Variants in GCH1 observed in about 807,000 individuals in gnomAD.
GCH1 encodes the protein GTP cyclohydrolase I.
In GCH1, 5 loss-of-function variants were observed where a neutral mutation model predicts 25.9. The observed-to-expected ratio is 0.19, with a 90% CI of 0.10 to 0.41. GCH1 has a LOEUF of 0.41. Among genes scored for constraint, GCH1 ranks in the 10% least tolerant of loss-of-function variants. The pLI, the probability that GCH1 is intolerant of heterozygous loss-of-function variation, is 1.00. For synonymous variants in GCH1, 159 were observed against 129.6 expected (o/e 1.23, Z -1.54); for missense variants, 261 against 336.5 (o/e 0.78, Z 1.75).
At chr14:54,882,371 G>A (rs2040283636) in intron 1 of GCH1, among the ~76,000 whole-genome samples, 1 of 152,190 alleles carries the variant, frequency 6.6e-6, no homozygotes, top group African/African-American at 2.4e-5. Context: ...TAAAACTGAA[G>A]GCTGCCAATC....
chr14:54,854,980 T>C (rs1184284868), intron 3 of GCH1, among the ~76,000 whole-genome samples: 3 of 152,220 alleles, frequency 2.0e-5, no homozygotes, highest in African/African-American at 7.2e-5. Context: ...AGTTCCATAC[T>C]AGTAATTTAA....
chr14:54,857,524 T>C (rs1022239062), intron 3 of GCH1, among the ~76,000 whole-genome samples: 3 of 152,168 alleles, frequency 2.0e-5, no homozygotes, highest in African/African-American at 4.8e-5. Context: ...CAGTCTGTTA[T>C]AGGCATCAGC....
At chr14:54,855,427 A>C (rs1594978938) in intron 3 of GCH1, among the ~76,000 whole-genome samples, 1 of 144,640 alleles carries the variant, frequency 6.9e-6, no homozygotes, top group African/African-American at 2.7e-5. Context: ...AATCGCTTGA[A>C]CCCAGGAGGT....
chr14:54,872,105 A>G (rs1233610294), intron 1 of GCH1, among the ~76,000 whole-genome samples: 2 of 152,118 alleles, frequency 1.3e-5, no homozygotes, highest in Admixed American at 1.3e-4. Context: ...GAGAAAGGTC[A>G]GGTTACCCAC....
At chr14:54,863,458 G>A (rs1424225643) in intron 2 of GCH1, among the ~76,000 whole-genome samples, 2 of 73,804 alleles carry the variant, frequency 2.7e-5, no homozygotes, top group African/African-American at 1.0e-4. Context: ...GCATGCACAT[G>A]TACTCCAAAA....
intron 3 of GCH1, among the ~76,000 whole-genome samples, chr14:54,854,799 C>T (rs761523736): frequency 6.6e-6 from 1 of 152,190 alleles, no homozygotes; most frequent in Non-Finnish European, 1.5e-5. Context: ...CTATTTTTTA[C>T]TTATCAGTTT....
chr14:54,901,670 A>G (rs1319675541), intron 1 of GCH1, among the ~76,000 whole-genome samples: 1 of 151,842 alleles, frequency 6.6e-6, no homozygotes, highest in Non-Finnish European at 1.5e-5. Context: ...CAGCAAACTC[A>G]CCCAATCAAC....
chr14:54,885,245 G>A lies in GCH1; in HGVS notation c.343+17076C>T, dbSNP rs539917981. On this transcript the variant is annotated intron_variant, in intron 1 of 5. Coordinates refer to ENST00000491895, the MANE Select transcript of GCH1 (RefSeq NM_000161.3). ...CTTCCCCACACTGACGCCTGCCATA[G>A]ACATGGCTGCAGCTTCAGGATGGTA... is the stretch of plus-strand genomic sequence containing the variant. The A allele has an allele frequency of 2.5e-4, 52 of 211,176 alleles. No homozygotes were observed. The South Asian group carries it at 3.3e-3, about 13-fold the overall frequency. The allele number at this position is 211,176 out of a possible 1,614,324, so 13.1% of individuals were successfully genotyped here.
chr14:54,854,188 A>G (rs941752421), intron 3 of GCH1, among the ~76,000 whole-genome samples: 9 of 152,228 alleles, frequency 5.9e-5, no homozygotes, highest in African/African-American at 2.2e-4. Flanking sequence ...TTGGACTTTA[A>G]CTGAAAAGCT....
At chr14:54,859,950 A>G (rs750667037) in intron 2 of GCH1, among the ~76,000 whole-genome samples, 1 of 151,444 alleles carries the variant, frequency 6.6e-6, no homozygotes, top group African/African-American at 2.4e-5. Flanking sequence ...AGCAAAATAT[A>G]TAAGTATGAG....
At chr14:54,897,858 G>A (rs994641810) in intron 1 of GCH1, among the ~76,000 whole-genome samples, 19 of 152,160 alleles carry the variant, frequency 1.2e-4, no homozygotes, top group Admixed American at 7.2e-4. Flanking sequence ...TAAAAAGTAC[G>A]GTCATGCATT....
intron 1 of GCH1, among the ~76,000 whole-genome samples, chr14:54,876,990 A>T (rs1425984177): frequency 6.6e-6 from 1 of 152,252 alleles, no homozygotes. Flanking sequence ...AGTGATCCTC[A>T]TACAGCTAAA....
At chr14:54,884,549 C>T (rs954420192) in intron 1 of GCH1, among the ~76,000 whole-genome samples, 1 of 152,096 alleles carries the variant, frequency 6.6e-6, no homozygotes, top group African/African-American at 2.4e-5. Flanking sequence ...GCAGGCGTAT[C>T]ATTTGAGGTC....
chr14:54,857,632 C>T (rs931791720), intron 3 of GCH1, among the ~76,000 whole-genome samples: 10 of 152,232 alleles, frequency 6.6e-5, no homozygotes, highest in Non-Finnish European at 1.0e-4. Context: ...GCACAGTAAG[C>T]ATGCTGATTT....
At position 54,885,710 on chromosome 14, in the gene GCH1, G is replaced by A. The variant is rs376387731; in HGVS notation, c.343+16611C>T. 8 of 202,540 alleles carry A rather than the reference G, an allele frequency of 3.9e-5. No individual in the cohort carries two copies. In the East Asian group the frequency reaches 4.8e-4, roughly 12 times the overall value. 12.5% of individuals were successfully genotyped at this position (202,540 alleles called of 1,614,324 possible). On this transcript the variant is annotated intron_variant, in intron 1 of 5. Coordinates refer to ENST00000491895, the MANE Select transcript of GCH1 (RefSeq NM_000161.3). ...TCGAGGCCAGCCTGGCCAACATGGC[G>A]AAACCCCGTCTCCACCAAAAATACA...
At position 54,902,823 on chromosome 14, in the gene GCH1, G is replaced by A. The variant is rs991023884; in HGVS notation, c.-160C>T. On this transcript the variant is annotated 5_prime_UTR_variant, in exon 1 of 6. Coordinates refer to ENST00000491895, the MANE Select transcript of GCH1 (RefSeq NM_000161.3). ...ACACTCCGAGCCGGGAGCGGCCACA[G>A]GCTGGAAAGCCCGGCCGCGCCTCCT... is the stretch of plus-strand genomic sequence containing the variant. The A allele has an allele frequency of 1.8e-5, 18 of 993,180 alleles. No individual in the cohort carries two copies. Among genetic ancestry groups the A allele is most frequent in the African/African-American group, 1.5e-4 (9 of 58,988 alleles). The allele number at this position is 993,180 out of a possible 1,614,324, so 61.5% of individuals were successfully genotyped here. A position where few individuals can be genotyped will look rare whatever the true frequency, so the allele number is the denominator to read the frequency against.
intron 1 of GCH1, among the ~76,000 whole-genome samples, chr14:54,868,451 T>A (rs1594992465): frequency 6.6e-6 from 1 of 151,500 alleles, no homozygotes. Context: ...AAAAAAAAAA[T>A]TAAGGCATCA....
intron 1 of GCH1, among the ~76,000 whole-genome samples, chr14:54,880,541 TATATATATACTCC>T (rs2040237947): frequency 1.3e-5 from 1 of 78,978 alleles, no homozygotes; most frequent in African/African-American, 5.8e-5. Context: ...ATACTCCATA[TATATATATACTCC>T]ATATATATAT....
At chr14:54,851,668 A>G (rs1271344169) in intron 3 of GCH1, among the ~76,000 whole-genome samples, 8 of 152,328 alleles carry the variant, frequency 5.3e-5, no homozygotes, top group South Asian at 2.1e-4. Flanking sequence ...CAAAACCACA[A>G]TGAGATACCA....
Sources: gnomAD v4.1 joint callset for allele counts (sites outside exome capture counted in the v4.1 genomes callset) on GRCh38, gnomAD v4.1.1 for gene constraint, MANE v1.5 for transcripts, NCBI Gene and HGNC (gene_info 2026-07-23, HGNC 2026-07-21) for gene names.